The following BACH2 variants were observed in gnomAD, a reference collection of about 807,000 sequenced individuals.
The protein encoded by BACH2 is transcription regulator protein BACH2.
In BACH2, 5 loss-of-function variants were observed where a neutral mutation model predicts 61.8. The ratio of observed to expected loss-of-function variants is 0.08; its 90% CI spans 0.04 to 0.17. The LOEUF (loss-of-function observed/expected upper bound fraction) is 0.17, where lower values mean the gene tolerates loss of function less well. Ranked by LOEUF, BACH2 falls within the 10% of genes least tolerant of loss-of-function variation. The probability of loss-of-function intolerance (pLI) is 1.00; values close to 1 mark genes in which losing one functional copy is unlikely to be tolerated. For missense variants in BACH2, 824 were observed against 1,091.1 expected (o/e 0.76, Z 3.45); for synonymous variants, 446 against 440.1 (o/e 1.01, Z -0.17).
intron 5 of BACH2, among the ~76,000 whole-genome samples, chr6:90,012,402 G>C (rs1374122942): frequency 1.3e-5 from 2 of 152,092 alleles, no homozygotes; most frequent in Non-Finnish European, 1.5e-5. Context: ...GGCTGAGGCA[G>C]GTGGATAACT....
At chr6:90,278,716 G>T (rs1771768589) in intron 1 of BACH2, among the ~76,000 whole-genome samples, 1 of 152,112 alleles carries the variant, frequency 6.6e-6, no homozygotes, top group South Asian at 2.1e-4. Flanking sequence ...TGCAGACTGG[G>T]ATTTCTTCAA....
intron 5 of BACH2, among the ~76,000 whole-genome samples, chr6:90,021,171 G>A (rs1333146658): frequency 2.0e-5 from 3 of 151,830 alleles, no homozygotes; most frequent in Non-Finnish European, 2.9e-5. Flanking sequence ...CTTATTACTC[G>A]AAGGTATAGT....
intron 5 of BACH2, among the ~76,000 whole-genome samples, chr6:90,058,397 C>T (rs991049821): frequency 3.3e-5 from 5 of 152,228 alleles, no homozygotes; most frequent in South Asian, 2.1e-4. Flanking sequence ...AATAAAATAC[C>T]TGGGAATCCA....
At chr6:90,089,299 C>T (rs1057202724) in intron 4 of BACH2, among the ~76,000 whole-genome samples, 190 bp from the exon 5 acceptor site, 6 of 151,972 alleles carry the variant, frequency 3.9e-5, no homozygotes, top group African/African-American at 9.7e-5. Context: ...GTGGTAGAAA[C>T]GCCTGGGCTC....
In BACH2 at chr6:90,008,385, G is replaced by A. The variant is rs1777526209; in HGVS notation, c.243+217C>T. 8.1e-6 allele frequency: 5 copies of A among 620,276 alleles called. No individual in the cohort carries two copies. The East Asian group carries it at 1.1e-4, about 14-fold the overall frequency. 38.4% of individuals were successfully genotyped at this position (620,276 alleles called of 1,614,324 possible). ...CTACAAGTGACTGAGCCACAGGTGA[G>A]GTTCAGTTCCCTTCAAGAAAGATAT... On this transcript the variant is annotated intron_variant, in intron 6 of 8. Transcript: ENST00000257749. This position sits in a 1 kb window ranked among gnomAD's most constrained non-coding sequence, Gnocchi z 4.1.
chr6:90,136,990 C>T (rs1784292120), intron 4 of BACH2, among the ~76,000 whole-genome samples: 1 of 152,012 alleles, frequency 6.6e-6, no homozygotes, highest in African/African-American at 2.4e-5. Flanking sequence ...GTCACTGGAC[C>T]CATCCTGACA....
intron 6 of BACH2, among the ~76,000 whole-genome samples, chr6:89,984,631 C>A (rs1241522747): frequency 6.6e-6 from 1 of 152,154 alleles, no homozygotes; most frequent in Non-Finnish European, 1.5e-5. Context: ...GTGCTCCTGA[C>A]AAGATGCCAC....
chr6:90,060,131 TAA>T (rs553422919), intron 5 of BACH2, among the ~76,000 whole-genome samples: 1 of 133,942 alleles, frequency 7.5e-6, no homozygotes, highest in African/African-American at 2.8e-5. Flanking sequence ...ATAATAACAG[TAA>T]AAAAAAAAAC....
chr6:90,140,022 C>A (rs1200618235), intron 4 of BACH2, among the ~76,000 whole-genome samples: 2 of 152,176 alleles, frequency 1.3e-5, no homozygotes, highest in African/African-American at 2.4e-5. Context: ...CAAGCTCCTG[C>A]CAGTTTTCCT....
chr6:90,044,245 C>T (rs1779678192), intron 5 of BACH2, among the ~76,000 whole-genome samples: 1 of 152,084 alleles, frequency 6.6e-6, no homozygotes, highest in Non-Finnish European at 1.5e-5. Flanking sequence ...ATACTGCAGT[C>T]GTGGAAGATC....
At chr6:90,242,599 T>A (rs1307713752) in intron 3 of BACH2, among the ~76,000 whole-genome samples, 3 of 152,214 alleles carry the variant, frequency 2.0e-5, no homozygotes, top group African/African-American at 7.2e-5. Context: ...TGGGTAAACA[T>A]CTAGATGCGT....
In BACH2 at chr6:89,951,668, A is replaced by G. The variant is rs1361369184; in HGVS notation, c.438T>C (p.Asp146=). The G allele has an allele frequency of 6.2e-7, 1 of 1,614,094 alleles. No homozygotes were observed. The highest frequency in any genetic ancestry group is 1.3e-5 in the African/African-American group (1 of 74,924). ...CCTCGTGTGGGCGCTGGCACGCAGC[A>G]TCCTTCCGGCACACAAACAGGCCAT... ...SEDGLFVCRK[D]AACQRPHEDC... is the part of the protein sequence containing the mutation. The change falls in exon 7 of 9, where the codon GAT becomes GAC. Residue 146 remains aspartate, a synonymous_variant. Coordinates refer to ENST00000257749, the MANE Select transcript of BACH2 (RefSeq NM_021813.4). This position sits in a 1 kb window ranked among gnomAD's most constrained non-coding sequence, Gnocchi z 6.4.
In BACH2 at chr6:90,068,016, T is replaced by C. The variant is rs535226022; in HGVS notation, c.-13+20945A>G. Among the ~76,000 whole-genome samples the C allele has an allele frequency of 3.9e-5, 6 of 152,320 alleles. No individual in the cohort carries two copies. The South Asian group carries it at 6.2e-4, about 16-fold the overall frequency. On this transcript the variant is annotated intron_variant, in intron 5 of 8. Coordinates refer to ENST00000257749, the MANE Select transcript of BACH2 (RefSeq NM_021813.4). ...GATATATCAGTGAATATAACAAATA[T>C]TTCTGAGGTTCCTTGAGATCTCTGT...
At chr6:90,256,677 G>C (rs1484669732) in intron 2 of BACH2, among the ~76,000 whole-genome samples, 2 of 152,100 alleles carry the variant, frequency 1.3e-5, no homozygotes, top group Non-Finnish European at 2.9e-5. Context: ...GATGTTATAG[G>C]CTTAATATAG....
chr6:90,099,155 G>A (rs896356474), intron 4 of BACH2, among the ~76,000 whole-genome samples: 30 of 151,828 alleles, frequency 2.0e-4, no homozygotes, highest in African/African-American at 7.0e-4. Flanking sequence ...CTTTGTTCTT[G>A]GGAAGACTTT....
At chr6:90,127,767 T>C (rs769479468) in intron 4 of BACH2, among the ~76,000 whole-genome samples, 4 of 152,200 alleles carry the variant, frequency 2.6e-5, no homozygotes, top group Non-Finnish European at 5.9e-5. Flanking sequence ...CGATCTGCTG[T>C]GGTGTGAGGC....
intron 7 of BACH2, among the ~76,000 whole-genome samples, chr6:89,941,278 T>C (rs1228240777): frequency 6.6e-6 from 1 of 152,190 alleles, no homozygotes; most frequent in African/African-American, 2.4e-5. Flanking sequence ...AATGATCATT[T>C]GACTTTTCTG....
chr6:90,165,147 T>C (rs968237883), intron 4 of BACH2, among the ~76,000 whole-genome samples: 13 of 152,208 alleles, frequency 8.5e-5, no homozygotes, highest in South Asian at 4.1e-4. Context: ...GATGACATGA[T>C]TGTATATCTA....
intron 4 of BACH2, among the ~76,000 whole-genome samples, chr6:90,159,327 T>C (rs1043275430): frequency 6.6e-6 from 1 of 152,222 alleles, no homozygotes; most frequent in African/African-American, 2.4e-5. Context: ...CACAGCTGAT[T>C]TGATTTTAAG....
Sources: allele counts gnomAD v4.1 joint callset (sites outside exome capture counted in the v4.1 genomes callset), GRCh38; gene constraint gnomAD v4.1.1; non-coding constraint Gnocchi (gnomAD v3.1); transcripts MANE v1.5; gene names NCBI Gene and HGNC (gene_info 2026-07-23, HGNC 2026-07-21).